Variants in IGSF1 observed in about 807,000 individuals in gnomAD.
IGSF1 encodes immunoglobulin superfamily member 1, also known as immunoglobulin-like domain-containing protein 1.
IGSF1 carries 40 observed loss-of-function variants against 95.3 expected under a neutral mutation model. The observed-to-expected ratio is 0.42, with a 90% CI of 0.33 to 0.55. The LOEUF (loss-of-function observed/expected upper bound fraction) is 0.55. Ranked by LOEUF, IGSF1 falls within the 20% of genes least tolerant of loss-of-function variation. IGSF1 has a pLI of 0.10. For missense variants in IGSF1, 906 were observed against 1,025.4 expected, an observed-to-expected ratio of 0.88 and a Z score of 1.59; for synonymous variants, 372 against 382.9, an observed-to-expected ratio of 0.97 and a Z score of 0.33.
Position 131,274,154 on chromosome X carries a change from G to T in IGSF1, c.3804C>A (p.Ile1268=), listed in dbSNP as rs762731117. 4.1e-6 allele frequency: 5 copies of T among 1,209,261 alleles called. No individual in the cohort carries two copies. The highest frequency in any genetic ancestry group is 5.6e-6 in the Non-Finnish European group (5 of 894,742). The change falls in exon 19 of 20, where the codon ATC becomes ATA. Residue 1268 remains isoleucine, a synonymous_variant. Coordinates refer to ENST00000361420, the MANE Select transcript of IGSF1 (RefSeq NM_001555.5). ...CCCCCAAGGCTACAACAACCACCAC[G>T]ATTAGGCTACTTCGGACAATGTTCC... The part of the protein sequence containing the change: ...TVGNIVRSSL[I]VVVVVALGVV...
intron 5 of IGSF1, among the ~76,000 whole-genome samples, chrX:131,283,594 C>T (rs1415743822): frequency 8.9e-6 from 1 of 112,112 alleles, no homozygotes; most frequent in East Asian, 2.8e-4. Context: ...AACCAAACCT[C>T]TGAAAATAAC....
rs749012041 is a variant in IGSF1 at position 131,276,925 on chromosome X, TC to T, written c.2608+13del. 8.3e-7 allele frequency: 1 copy of T among 1,202,040 alleles called. No individual in the cohort carries two copies. Among genetic ancestry groups the T allele is most frequent in the South Asian group, 1.8e-5 (1 of 55,688 alleles). ...GGGTTGGCACCACCTCTACCTGGAG[TC>T]CCCCCTCCTAACCTGTCACCACGAG... On this transcript the variant is annotated intron_variant, in intron 14 of 19. Coordinates refer to ENST00000361420, the MANE Select transcript of IGSF1 (RefSeq NM_001555.5).
rs746212087 is a variant in IGSF1 at position 131,275,651 on chromosome X, T to C, written c.3011A>G (p.Lys1004Arg). ...PVHGVGYILH[K>R]EGEATSMQLW... ...CTGCATTGAAGTGGCTTCTCCTTCTTTGTGCAGAATGTATCCTACTCCATG... is the reference window on the plus strand; with the variant it reads ...CTGCATTGAAGTGGCTTCTCCTTCTCTGTGCAGAATGTATCCTACTCCATG... The change falls in exon 16 of 20, where the codon AAA becomes AGA. Residue 1004 changes from lysine (K) to arginine (R), a missense_variant. Lys to Arg is a conservative substitution (Grantham distance 26). Coordinates refer to ENST00000361420, the MANE Select transcript of IGSF1 (RefSeq NM_001555.5). The C allele has an allele frequency of 4.1e-6, 5 of 1,209,669 alleles. No homozygotes were observed. The African/African-American group carries it at 7.0e-5, about 17-fold the overall frequency.
chrX:131,282,048 A>C, intron 7 of IGSF1, 104 bp from the exon 8 acceptor site: 1 of 759,663 alleles, frequency 1.3e-6, no homozygotes, highest in South Asian at 2.8e-5. Flanking sequence ...CTTCCTTTCC[A>C]CTTCCACTTG....
rs758413837 is a variant in IGSF1, at chrX:131,278,122, T to G, written c.2054A>C (p.Lys685Thr). 8.3e-7 allele frequency: 1 copy of G among 1,206,682 alleles called. No homozygotes were observed. Among genetic ancestry groups the G allele is most frequent in the Admixed American group, 2.2e-5 (1 of 45,875 alleles). The change falls in exon 13 of 20, where the codon AAA becomes ACA. Residue 685 changes from lysine to threonine, a missense_variant. Physicochemically the swap from Lys to Thr is moderately conservative, Grantham distance 78. Transcript: ENST00000361420. ...TGTGGGGGAAGCAGAAATGACAGGT[T>G]TGGGGAGGATGTCTGGAAAACAGAA... ...LELVGTDILPKPVISASPTIR... is the reference protein window; with the variant it reads ...LELVGTDILPTPVISASPTIR...
chrX:131,281,102 G>A, intron 9 of IGSF1, 116 bp downstream of exon 9: 1 of 837,667 alleles, frequency 1.2e-6, no homozygotes, highest in South Asian at 2.4e-5. Context: ...TGTTCCCTAA[G>A]CCCAGAAGAT....
chrX:131,281,957 C>T lies in IGSF1; in HGVS notation c.1247-13G>A. 8.4e-7 allele frequency: 1 copy of T among 1,191,152 alleles called. No homozygotes were observed. The highest frequency in any genetic ancestry group is 1.1e-6 in the Non-Finnish European group (1 of 882,345). On this transcript the variant is annotated splice_polypyrimidine_tract_variant and intron_variant, in intron 7 of 19. Transcript: ENST00000361420. ...TTGGGGGGCTTATCTGAAACCAATC[C>T]AGAGACCAGAGTGAGAAGTGACCTC...
chrX:131,287,748 G>C (rs113144881), intron 1 of IGSF1, among the ~76,000 whole-genome samples: 2 of 111,103 alleles, frequency 1.8e-5, no homozygotes, highest in Admixed American at 9.6e-5. Flanking sequence ...ATATACACAA[G>C]GTAGACTCTT....
chrX:131,278,734 G>C lies in IGSF1; in HGVS notation c.1768C>G (p.Pro590Ala). 1 of 1,208,934 alleles carries C rather than the reference G, an allele frequency of 8.3e-7. No individual in the cohort carries two copies. Among genetic ancestry groups the C allele is most frequent in the Non-Finnish European group, 1.1e-6 (1 of 893,892 alleles). The change falls in exon 12 of 20, where the codon CCT (proline) becomes GCT (alanine). Residue 590 changes from proline to alanine, a missense_variant. Pro to Ala is a conservative substitution (Grantham distance 27). Transcript: ENST00000361420. Reference protein sequence around the residue: ...IEETEIVMPTPKPELWAETNF... With the variant: ...IEETEIVMPTAKPELWAETNF... ...GTCTCTGCCCACAGCTCAGGCTTAG[G>C]GGTTGGCATGACTATTTCTAGAAAC...
In IGSF1 at chrX:131,283,203, G is replaced by A; in HGVS notation, c.729C>T (p.Ser243=). 8.3e-7 allele frequency: 1 copy of A among 1,210,225 alleles called. No homozygotes were observed. The highest frequency in any genetic ancestry group is 1.1e-6 in the Non-Finnish European group (1 of 893,918). The change falls in exon 6 of 20, where the codon AGC becomes AGT. Residue 243 remains serine (S), a synonymous_variant. Coordinates refer to ENST00000361420, the MANE Select transcript of IGSF1 (RefSeq NM_001555.5). The stretch of plus-strand genomic sequence containing the variant: ...TTGGCCCTTGGCACCTGAGATTCAG[G>A]CTTTCTCCAGGTGCCATGATGGGCC... ...HPGPIMAPGE[S]LNLRCQGPIY... is the part of the protein sequence containing the mutation.
chrX:131,283,763 A>G (rs2080594947), intron 5 of IGSF1, among the ~76,000 whole-genome samples: 1 of 112,244 alleles, frequency 8.9e-6, no homozygotes, highest in South Asian at 3.7e-4. Context: ...AATCTTTGTT[A>G]TGGGGCCACA....
intron 9 of IGSF1, chrX:131,280,964 G>T: frequency 3.5e-6 from 1 of 281,806 alleles, no homozygotes. Context: ...GGCACCCTCC[G>T]GGGGGGATGT....
Position 131,274,855 on chromosome X carries a change from C to G in IGSF1, c.3495G>C (p.Leu1165=). 8.3e-7 allele frequency: 1 copy of G among 1,211,423 alleles called. No homozygotes were observed. Among genetic ancestry groups the G allele is most frequent in the Non-Finnish European group, 1.1e-6 (1 of 895,325 alleles). The change falls in exon 18 of 20, where the codon CTG becomes CTC. Residue 1165 remains leucine, a synonymous_variant. Coordinates refer to ENST00000361420, the MANE Select transcript of IGSF1 (RefSeq NM_001555.5). ...WVTDKPPKPS[L]SAWPSTMFKL... is the part of the protein sequence containing the mutation. ...TGAACATGGTGCTGGGCCAGGCTGA[C>G]AGAGAGGGTTTAGGGGGCTTATCTG...
chrX:131,284,747 T>C, intron 5 of IGSF1: 1 of 781,032 alleles, frequency 1.3e-6, no homozygotes, highest in Admixed American at 7.6e-5. Context: ...TCACCAACAC[T>C]AGCAATCCAT....
Position 131,286,654 on chromosome X carries a change from C to G in IGSF1, c.21G>C (p.Gly7=), listed in dbSNP as rs138717794. 5.0e-6 allele frequency: 6 copies of G among 1,198,640 alleles called. No individual in the cohort carries two copies. The African/African-American group carries it at 1.1e-4, about 21-fold the overall frequency. The change falls in exon 2 of 20, where the codon GGG becomes GGC. Residue 7 remains glycine (G), a synonymous_variant. Coordinates refer to ENST00000361420, the MANE Select transcript of IGSF1 (RefSeq NM_001555.5). ...ATGTCTTCAGCATGGTGGCCCCCTC[C>G]CCTGGTCTGTCCAGGGTCATGGGGC... MTLDRP[G]EGATMLKTFT...
Position 131,281,255 on chromosome X carries a change from G to T in IGSF1, c.1609C>A (p.Leu537Met). The T allele has an allele frequency of 8.3e-7, 1 of 1,210,435 alleles. No homozygotes were observed. The highest frequency in any genetic ancestry group is 1.1e-6 in the Non-Finnish European group (1 of 894,409). Residue 537 changes from leucine (L) to methionine (M), a missense_variant, in exon 9 of 20, where the codon CTG becomes ATG. By Grantham distance (15) the Leu-to-Met change is conservative. Transcript: ENST00000361420. ...MQLVALLLVV[L>M]WIRWKCRRLR... ...CTCCGACACTTCCACCTTATCCACA[G>T]CACTACCAACAGCAAGGCAACAAGC...
At chrX:131,286,344 G>C in intron 3 of IGSF1, 93 bp downstream of exon 3, 1 of 776,868 alleles carries the variant, frequency 1.3e-6, no homozygotes, top group Non-Finnish European at 2.0e-6. Context: ...TCTATCTCTG[G>C]AATCTCAAGG....
intron 5 of IGSF1, chrX:131,284,697 G>A (rs1229249750): frequency 4.0e-6 from 3 of 752,294 alleles, no homozygotes; most frequent in South Asian, 1.4e-4. Context: ...TAAAATATGA[G>A]CTATCACATT....
In IGSF1 at chrX:131,283,177, A is replaced by T. The variant is rs758967962; in HGVS notation, c.755T>A (p.Ile252Asn). 58 of 1,207,924 alleles carry T rather than the reference A, an allele frequency of 4.8e-5. No homozygotes were observed. The highest frequency in any genetic ancestry group is 6.3e-5 in the Non-Finnish European group (56 of 892,864). ...CATTAGAGCAAAGGTCATTCCATAG[A>T]TTGGCCCTTGGCACCTGAGATTCAG... ...ESLNLRCQGPIYGMTFALMRV... is the reference protein window; with the variant it reads ...ESLNLRCQGPNYGMTFALMRV... Residue 252 changes from isoleucine to asparagine, a missense_variant, in exon 6 of 20, where the codon ATC becomes AAC. Ile to Asn is a moderately radical substitution (Grantham distance 149, BLOSUM62 -3). Around this residue, in one of 5 missense-constraint regions of IGSF1, gnomAD observed 442 missense variants for 448.1 expected, o/e 0.99. Transcript: ENST00000361420.
Sources: gnomAD v4.1 joint callset for allele counts (sites outside exome capture counted in the v4.1 genomes callset) on GRCh38, gnomAD v4.1.1 for gene constraint, gnomAD v4.1.1 regional missense constraint, MANE v1.5 for transcripts, NCBI Gene and HGNC (gene_info 2026-07-23, HGNC 2026-07-21) for gene names.